Variants in SSH2 observed in about 807,000 individuals in gnomAD.
The protein encoded by SSH2 is protein phosphatase Slingshot homolog 2.
SSH2 carries 37 observed loss-of-function variants against 135.2 expected under a neutral mutation model. The observed-to-expected ratio is 0.27, with a 90% CI of 0.21 to 0.36. SSH2 has a LOEUF of 0.36. SSH2 is among the 10% of genes least tolerant of loss of function. The pLI, the probability that SSH2 is intolerant of heterozygous loss-of-function variation, is 1.00. For synonymous variants in SSH2, 628 were observed against 646.2 expected (o/e 0.97, Z 0.43); for missense variants, 1,408 against 1,765.3 (o/e 0.80, Z 3.63).
At chr17:29,818,434 G>C (rs933296655) in intron 2 of SSH2, among the ~76,000 whole-genome samples, 10 of 151,928 alleles carry the variant, frequency 6.6e-5, no homozygotes, top group Non-Finnish European at 1.5e-4. Context: ...ATTTTTAGTA[G>C]AGACGGGGTT....
chr17:29,903,419 A>G (rs1372227633), intron 1 of SSH2, among the ~76,000 whole-genome samples: 1 of 151,524 alleles, frequency 6.6e-6, no homozygotes, highest in African/African-American at 2.4e-5. Context: ...CATTTTCAGA[A>G]TATCTGCTTG....
chr17:29,928,542 C>T, intron 1 of SSH2: 1 of 398,550 alleles, frequency 2.5e-6, no homozygotes, highest in East Asian at 3.6e-5. Flanking sequence ...CTTACAATCA[C>T]TGGAAATCTG....
At chr17:29,636,879 A>G (rs1456727856) in intron 14 of SSH2, 77 bp from the exon 15 acceptor site, 9 of 1,019,978 alleles carry the variant, frequency 8.8e-6, no homozygotes, top group Non-Finnish European at 1.3e-5. Context: ...AAACACTCCC[A>G]GATAAATCTT....
intron 6 of SSH2, among the ~76,000 whole-genome samples, chr17:29,678,713 CTTT>C (rs55889704): frequency 4.5e-5 from 5 of 112,068 alleles, no homozygotes; most frequent in Non-Finnish European, 5.2e-5. Context: ...AATACTATTT[CTTT>C]TTTTTTTTTT....
Position 29,769,656 on chromosome 17 carries a change from AC to A in SSH2, c.188+24237del, listed in dbSNP as rs1382676229. On this transcript the variant is annotated intron_variant, in intron 3 of 15. Coordinates refer to ENST00000540801, the MANE Select transcript of SSH2 (RefSeq NM_001282129.2). ...CTTATTTGATGTTTAAAATAAGCCT[AC>A]TAGCTGGGCCAGTATTATCATTCCT... Among the ~76,000 whole-genome samples, 4 of 152,322 alleles carry A rather than the reference AC, an allele frequency of 2.6e-5. No homozygotes were observed. The East Asian group carries it at 7.7e-4, about 29-fold the overall frequency.
chr17:29,914,240 A>T (rs906079853), intron 1 of SSH2, among the ~76,000 whole-genome samples: 1 of 152,090 alleles, frequency 6.6e-6, no homozygotes, highest in African/African-American at 2.4e-5. Flanking sequence ...CAGTTTCAAG[A>T]AATGACACAC....
intron 3 of SSH2, among the ~76,000 whole-genome samples, chr17:29,750,160 G>A (rs530112028): frequency 1.3e-5 from 2 of 151,726 alleles, no homozygotes; most frequent in South Asian, 4.2e-4. Context: ...AAAACTGGCC[G>A]GGAGGGGTGG....
chr17:29,662,351 T>G (rs1277736627), intron 11 of SSH2, among the ~76,000 whole-genome samples: 1 of 152,240 alleles, frequency 6.6e-6, no homozygotes, highest in Non-Finnish European at 1.5e-5. Flanking sequence ...TCTGCTAAGA[T>G]AAATATAACT....
At chr17:29,912,475 T>A (rs2066782594) in intron 1 of SSH2, among the ~76,000 whole-genome samples, 1 of 152,170 alleles carries the variant, frequency 6.6e-6, no homozygotes, top group Admixed American at 6.5e-5. Flanking sequence ...ACCTGTAATT[T>A]CAGCACTTCG....
intron 14 of SSH2, among the ~76,000 whole-genome samples, chr17:29,638,095 C>T (rs988541700): frequency 2.0e-5 from 3 of 152,088 alleles, no homozygotes; most frequent in African/African-American, 7.2e-5. Flanking sequence ...GCCTGGGTGA[C>T]ACAGCGAGAC....
chr17:29,796,351 T>G (rs772350791), intron 2 of SSH2, among the ~76,000 whole-genome samples: 1 of 152,112 alleles, frequency 6.6e-6, no homozygotes, highest in Non-Finnish European at 1.5e-5. Context: ...TTTTCTATAC[T>G]TTTTTTTGAG....
In SSH2 at chr17:29,848,915, T is replaced by A; in HGVS notation, c.78A>T (p.Glu26Asp). 6.5e-7 allele frequency: 1 copy of A among 1,534,398 alleles called. No individual in the cohort carries two copies. Among genetic ancestry groups the A allele is most frequent in the Non-Finnish European group, 8.7e-7 (1 of 1,145,816 alleles). The change falls in exon 2 of 16, where the codon GAA (glutamate) becomes GAT (aspartate). Residue 26 changes from glutamate (E) to aspartate (D), a missense_variant. Around this residue, in one of 3 missense-constraint regions of SSH2, gnomAD observed 222 missense variants for 355.6 expected, o/e 0.62. Coordinates refer to ENST00000540801, the MANE Select transcript of SSH2 (RefSeq NM_001282129.2). ...SSPCASSSHLEDSESAALLCC... is the reference protein window; with the variant it reads ...SSPCASSSHLDDSESAALLCC... ...AAAGTAATGCTGCTGATTCACTGTC[T>A]TCCAAATGAGAGCTCTGTAATACAA...
chr17:29,706,902 C>T (rs1421142561), intron 3 of SSH2, among the ~76,000 whole-genome samples: 1 of 152,062 alleles, frequency 6.6e-6, no homozygotes, highest in Non-Finnish European at 1.5e-5. Flanking sequence ...GCTTGTAATC[C>T]CAGCACTTTG....
Position 29,666,933 on chromosome 17 carries a change from G to A in SSH2, c.966C>T (p.Asp322=), listed in dbSNP as rs1253725574. ...CNLREFKEFI[D]NEMIVILGQM... The stretch of plus-strand genomic sequence containing the variant: ...GACCAAGGATCACTATCATTTCATT[G>A]TCTATAAATTCCTTGAATTCCCGCA... Residue 322 remains aspartate (D), a synonymous_variant, in exon 11 of 16, where the codon GAC becomes GAT. Transcript: ENST00000540801. 2 of 1,613,748 alleles carry A rather than the reference G, an allele frequency of 1.2e-6. No individual in the cohort carries two copies. The highest frequency in any genetic ancestry group is 1.3e-5 in the African/African-American group (1 of 74,890).
intron 2 of SSH2, among the ~76,000 whole-genome samples, chr17:29,832,961 C>CCAGCCATTTTTT: frequency 6.6e-6 from 1 of 152,306 alleles, no homozygotes; most frequent in East Asian, 1.9e-4. Context: ...GCCACAGAGC[C>CCAGCCATTTTTT]CAGCCATTTT....
At chr17:29,761,887 A>ATTTTTTTT (rs1157073718) in intron 3 of SSH2, among the ~76,000 whole-genome samples, 3 of 143,602 alleles carry the variant, frequency 2.1e-5, no homozygotes, top group African/African-American at 8.0e-5. Flanking sequence ...ATATATATAT[A>ATTTTTTTT]TTTTTTTTTG....
At chr17:29,912,420 C>T (rs2066781455) in intron 1 of SSH2, among the ~76,000 whole-genome samples, 1 of 152,040 alleles carries the variant, frequency 6.6e-6, no homozygotes, top group Admixed American at 6.5e-5. Flanking sequence ...ATTCAGTTGC[C>T]AACATTTAAA....
rs1456407422 is a variant in SSH2 at position 29,807,986 on chromosome 17, T to C, written c.145-14049A>G. Among the ~76,000 whole-genome samples, 3 of 152,152 alleles carry C rather than the reference T, an allele frequency of 2.0e-5. No homozygotes were observed. In the South Asian group the frequency reaches 6.2e-4, roughly 31 times the overall value. ...GTCGAAGCTTACACTGTGGTTGAAC[T>C]GGAGAAAGCAGTGCATTCATAGAAA... On this transcript the variant is annotated intron_variant, in intron 2 of 15. Transcript: ENST00000540801.
intron 3 of SSH2, among the ~76,000 whole-genome samples, chr17:29,740,979 A>G (rs1024157340): frequency 2.6e-5 from 4 of 152,208 alleles, no homozygotes; most frequent in African/African-American, 9.7e-5. Flanking sequence ...CCATATGCTC[A>G]AAAACTCTCT....
Sources: allele counts gnomAD v4.1 joint callset (sites outside exome capture counted in the v4.1 genomes callset), GRCh38; gene constraint gnomAD v4.1.1; regional missense constraint gnomAD v4.1.1; transcripts MANE v1.5; gene names NCBI Gene and HGNC (gene_info 2026-07-23, HGNC 2026-07-21).